The following COL11A1 variants were observed in gnomAD, a reference collection of about 807,000 sequenced individuals.
COL11A1 encodes the protein collagen type XI alpha 1 chain.
COL11A1 carries 74 observed loss-of-function variants against 265.2 expected under a neutral mutation model. The observed-to-expected ratio is 0.28, with a 90% CI of 0.23 to 0.34. COL11A1 has a LOEUF of 0.34. COL11A1 is among the 10% of genes least tolerant of loss of function. The pLI is 1.00. For missense variants in COL11A1, 2,165 were observed against 2,263.6 expected (o/e 0.96, Z 0.88); for synonymous variants, 816 against 727.6 (o/e 1.12, Z -1.96).
At position 103,027,396 on chromosome 1, in the gene COL11A1, A is replaced by AATATATATATATATATATAT. The variant is rs57013059; in HGVS notation, c.781-1084_781-1065dup. 2.2e-5 allele frequency among the ~76,000 whole-genome samples: 2 copies of AATATATATATATATATATAT among 92,094 alleles called. 1 individual carries two copies. Among genetic ancestry groups the AATATATATATATATATATAT allele is most frequent in the Non-Finnish European group, 4.1e-5 (2 of 48,274 alleles). The allele number at this position is 92,094 out of a possible 152,430, so 60.4% of individuals were successfully genotyped here. A position where few individuals can be genotyped will look rare whatever the true frequency, so the allele number is the denominator to read the frequency against. On this transcript the variant is annotated intron_variant, in intron 5 of 66. Transcript: ENST00000370096. The stretch of plus-strand genomic sequence containing the variant: ...AGTAAACTCAACAAGTTAAAACTCT[A>AATATATATATATATATATAT]ATATATATATATATATATATATATA...
At chr1:102,917,103 C>A (rs1443267509) in intron 49 of COL11A1, among the ~76,000 whole-genome samples, 3 of 151,712 alleles carry the variant, frequency 2.0e-5, no homozygotes, top group African/African-American at 7.3e-5. Context: ...ATTGCCAAAG[C>A]AATCTTAAGC....
At chr1:102,932,353 G>A (rs1480395948) in intron 46 of COL11A1, among the ~76,000 whole-genome samples, 3 of 152,100 alleles carry the variant, frequency 2.0e-5, no homozygotes, top group East Asian at 3.9e-4. Flanking sequence ...CACTTATGAA[G>A]GTTAGTTTGG....
chr1:102,930,039 A>G (rs1038149751), intron 46 of COL11A1, among the ~76,000 whole-genome samples: 1 of 152,166 alleles, frequency 6.6e-6, no homozygotes, highest in Non-Finnish European at 1.5e-5. Context: ...ATCTGCAAAC[A>G]GGGACAATTT....
intron 15 of COL11A1, among the ~76,000 whole-genome samples, chr1:103,006,525 C>CTTTTTTTT (rs1557935689): frequency 1.3e-5 from 1 of 76,208 alleles, no homozygotes; most frequent in African/African-American, 3.5e-5. Flanking sequence ...TAAATGGCTC[C>CTTTTTTTT]ATTTTTTTTT....
chr1:103,100,638 G>C (rs1052568063), intron 1 of COL11A1: 1 of 151,932 alleles, frequency 6.6e-6, no homozygotes, highest in African/African-American at 2.4e-5. Context: ...CTGTGGTTTA[G>C]CTGCATGATG....
At chr1:102,906,202 T>C (rs2622835) in intron 54 of COL11A1, among the ~76,000 whole-genome samples, 127,623 of 152,054 alleles carry the variant, frequency 0.84, 54,964 homozygotes, top group East Asian at 1. Flanking sequence ...TTATTATGCC[T>C]GCTTTTTAAA....
intron 28 of COL11A1, among the ~76,000 whole-genome samples, chr1:102,995,547 A>C (rs1664542056): frequency 6.6e-6 from 1 of 152,092 alleles, no homozygotes; most frequent in African/African-American, 2.4e-5. Flanking sequence ...TAACATCTAA[A>C]TCCTGCAGCA....
intron 54 of COL11A1, among the ~76,000 whole-genome samples, chr1:102,904,617 T>A (rs1208354906): frequency 1.3e-5 from 2 of 151,602 alleles, no homozygotes; most frequent in East Asian, 3.9e-4. Context: ...AAAAAACACA[T>A]GAAAAAATGC....
chr1:102,883,943 A>G (rs1650601706), intron 63 of COL11A1, among the ~76,000 whole-genome samples: 3 of 152,234 alleles, frequency 2.0e-5, no homozygotes, highest in Admixed American at 2.0e-4. Flanking sequence ...TATTATGTGA[A>G]TAATCATCAC....
chr1:103,041,149 G>A (rs35278135), intron 4 of COL11A1, among the ~76,000 whole-genome samples: 12,283 of 151,918 alleles, frequency 0.081, 557 homozygotes, highest in Middle Eastern at 0.16. Flanking sequence ...CTGTTTCACA[G>A]AGTTAGCATT....
At chr1:103,032,329 T>G (rs1173409701) in intron 4 of COL11A1, among the ~76,000 whole-genome samples, 1 of 152,098 alleles carries the variant, frequency 6.6e-6, no homozygotes, top group Admixed American at 6.6e-5. Context: ...TCTTTAAAAA[T>G]TAAAGAATGT....
chr1:103,038,433 T>G (rs888148692), intron 4 of COL11A1, among the ~76,000 whole-genome samples: 1 of 151,992 alleles, frequency 6.6e-6, no homozygotes, highest in Non-Finnish European at 1.5e-5. Context: ...CCACTGCCAC[T>G]GCACTCAGCC....
chr1:102,905,152 T>A (rs2100972298), intron 54 of COL11A1, among the ~76,000 whole-genome samples: 2 of 140,988 alleles, frequency 1.4e-5, no homozygotes, highest in East Asian at 4.3e-4. Flanking sequence ...ATGTTCTCAC[T>A]CATAGGTGGG....
chr1:103,069,636 A>C (rs1367775507), intron 4 of COL11A1, among the ~76,000 whole-genome samples: 1 of 151,984 alleles, frequency 6.6e-6, no homozygotes, highest in East Asian at 1.9e-4. Flanking sequence ...TGGAAAAAAT[A>C]TTTGCAAACA....
At chr1:103,037,242 T>C (rs1668445353) in intron 4 of COL11A1, among the ~76,000 whole-genome samples, 1 of 114,486 alleles carries the variant, frequency 8.7e-6, no homozygotes. Flanking sequence ...CAAGTAAAGA[T>C]ACATTTAGAT....
chr1:102,921,789 C>G (rs1188517085), intron 47 of COL11A1, among the ~76,000 whole-genome samples: 25 of 152,096 alleles, frequency 1.6e-4, no homozygotes. Flanking sequence ...TCAAGAGAAA[C>G]AATTTGATTA....
chr1:102,921,635 T>C, intron 47 of COL11A1, 64 bp from the exon 48 acceptor site: 1 of 1,335,880 alleles, frequency 7.5e-7, no homozygotes, highest in Non-Finnish European at 1.1e-6. Context: ...ACATTTTCAT[T>C]TTATGACTGA....
At chr1:102,989,046 T>C (rs945350980) in intron 29 of COL11A1, among the ~76,000 whole-genome samples, 2 of 152,142 alleles carry the variant, frequency 1.3e-5, no homozygotes, top group Non-Finnish European at 2.9e-5. Flanking sequence ...TTCTATAATG[T>C]ATTACTAGAA....
intron 54 of COL11A1, among the ~76,000 whole-genome samples, chr1:102,908,733 T>G (rs1009367526): frequency 1.3e-5 from 2 of 152,076 alleles, no homozygotes; most frequent in Admixed American, 1.3e-4. Flanking sequence ...TGCCTATATA[T>G]CTATATAAAA....
Sources: gnomAD v4.1 joint callset for allele counts (sites outside exome capture counted in the v4.1 genomes callset) on GRCh38, gnomAD v4.1.1 for gene constraint, MANE v1.5 for transcripts, NCBI Gene and HGNC (gene_info 2026-07-23, HGNC 2026-07-21) for gene names.